Variants in PPM1L observed in about 807,000 individuals in gnomAD.
PPM1L encodes the protein protein phosphatase 1L.
Under a neutral mutation model 31.4 loss-of-function variants are expected in PPM1L, and 13 were observed. The observed-to-expected ratio is 0.41, with a 90% CI of 0.27 to 0.66. The LOEUF (loss-of-function observed/expected upper bound fraction) is 0.66. PPM1L is among the 30% of genes least tolerant of loss of function. The pLI is 0.29. For synonymous variants in PPM1L, 184 were observed against 175.4 expected (o/e 1.05, Z -0.39); for missense variants, 326 against 453.7 (o/e 0.72, Z 2.56).
intron 2 of PPM1L, among the ~76,000 whole-genome samples, chr3:161,014,125 C>T (rs1160801469): frequency 6.6e-6 from 1 of 152,174 alleles, no homozygotes; most frequent in African/African-American, 2.4e-5. Context: ...CATCAATGGT[C>T]TTTACAATTT....
intron 2 of PPM1L, among the ~76,000 whole-genome samples, chr3:161,041,244 C>T (rs570444650): frequency 6.6e-6 from 1 of 152,210 alleles, no homozygotes; most frequent in Non-Finnish European, 1.5e-5. Context: ...TGCCTCCCCC[C>T]ACTGGCCCCG....
At chr3:161,020,491 C>T (rs1295830256) in intron 2 of PPM1L, among the ~76,000 whole-genome samples, 1 of 152,188 alleles carries the variant, frequency 6.6e-6, no homozygotes, top group Non-Finnish European at 1.5e-5. Flanking sequence ...TAAATAGTTG[C>T]TAAACCTTAT....
At chr3:160,993,007 G>A (rs1717185563) in intron 2 of PPM1L, among the ~76,000 whole-genome samples, 1 of 151,912 alleles carries the variant, frequency 6.6e-6, no homozygotes, top group Non-Finnish European at 1.5e-5. Context: ...ATAACACTAG[G>A]CCGTTGAATC....
chr3:160,778,402 C>T (rs2108065130), intron 1 of PPM1L, among the ~76,000 whole-genome samples: 1 of 152,184 alleles, frequency 6.6e-6, no homozygotes, highest in African/African-American at 2.4e-5. Flanking sequence ...CAAGGAACTC[C>T]TGTGTACCCT....
In PPM1L at chr3:161,003,487, C is replaced by G. The variant is rs1193183059; in HGVS notation, c.574+41577C>G. On this transcript the variant is annotated intron_variant, in intron 2 of 3. Coordinates refer to ENST00000498165, the MANE Select transcript of PPM1L (RefSeq NM_139245.4). ...TACCCATGAGCATGGAATGTTCTTC[C>G]ATTTGTTTGTATCCTCTTTTATTTC... Among the ~76,000 whole-genome samples, 29 of 151,504 alleles carry G rather than the reference C, an allele frequency of 1.9e-4. No homozygotes were observed. In the South Asian group the frequency reaches 6.1e-3, roughly 32 times the overall value.
intron 2 of PPM1L, among the ~76,000 whole-genome samples, chr3:161,026,819 TG>T (rs5853921): frequency 0.033 from 4,970 of 151,916 alleles, 302 homozygotes; most frequent in African/African-American, 0.11. Context: ...TAATGGGTGG[TG>T]AACAAGAACA....
At chr3:160,782,525 G>T (rs921057056) in intron 1 of PPM1L, among the ~76,000 whole-genome samples, 8 of 152,180 alleles carry the variant, frequency 5.3e-5, no homozygotes, top group African/African-American at 1.9e-4. Flanking sequence ...TATGTGGAAA[G>T]GTTTAGATTT....
intron 1 of PPM1L, among the ~76,000 whole-genome samples, chr3:160,787,054 G>T (rs1711957200): frequency 6.6e-6 from 1 of 152,116 alleles, no homozygotes; most frequent in Non-Finnish European, 1.5e-5. Flanking sequence ...GAATAGTGCT[G>T]CAGTCGACAC....
At chr3:160,989,973 G>A (rs902540828) in intron 2 of PPM1L, among the ~76,000 whole-genome samples, 8 of 110,532 alleles carry the variant, frequency 7.2e-5, no homozygotes, top group East Asian at 3.8e-4. Flanking sequence ...CCATAGCAAC[G>A]TTGTTTTTGT....
chr3:161,034,051 T>C (rs1412521179), intron 2 of PPM1L, among the ~76,000 whole-genome samples: 3 of 151,686 alleles, frequency 2.0e-5, no homozygotes, highest in Non-Finnish European at 2.9e-5. Flanking sequence ...CAGACACTTC[T>C]CAAAAGAAGA....
rs576280862 is a variant in PPM1L, at chr3:160,872,684, T to C, written c.400-89052T>C. ...GCTTACGTCTGTAATCCCAGCACTT[T>C]GGGAGGCTGAGGCGGGTGGATCATG... On this transcript the variant is annotated intron_variant, in intron 1 of 3. Transcript: ENST00000498165. Among the ~76,000 whole-genome samples the C allele has an allele frequency of 2.0e-5, 3 of 152,302 alleles. No individual in the cohort carries two copies. The South Asian group carries it at 6.2e-4, about 32-fold the overall frequency.
At chr3:160,983,366 A>C (rs1716863023) in intron 2 of PPM1L, among the ~76,000 whole-genome samples, 1 of 151,956 alleles carries the variant, frequency 6.6e-6, no homozygotes, top group Admixed American at 6.6e-5. Context: ...AGCATTCCAC[A>C]GCCACTAAAG....
chr3:160,757,601 G>T (rs1458281621), intron 1 of PPM1L, among the ~76,000 whole-genome samples: 1 of 152,248 alleles, frequency 6.6e-6, no homozygotes, highest in Non-Finnish European at 1.5e-5. Flanking sequence ...TGGTCCTTGC[G>T]CATTGGCCCA....
At chr3:161,038,589 A>T (rs1463239979) in intron 2 of PPM1L, among the ~76,000 whole-genome samples, 1 of 71,126 alleles carries the variant, frequency 1.4e-5, no homozygotes, top group African/African-American at 1.3e-4. Flanking sequence ...TTGTTTTAAA[A>T]AAAAAAAAAA....
chr3:160,766,893 C>G (rs889707355), intron 1 of PPM1L, among the ~76,000 whole-genome samples: 1 of 147,690 alleles, frequency 6.8e-6, no homozygotes, highest in African/African-American at 2.7e-5. Flanking sequence ...TTCTTCCATT[C>G]CTAGAAGACA....
intron 1 of PPM1L, among the ~76,000 whole-genome samples, chr3:160,768,945 C>G (rs1715178547): frequency 6.6e-6 from 1 of 152,172 alleles, no homozygotes; most frequent in Non-Finnish European, 1.5e-5. Context: ...CTGCTGCAGC[C>G]ATCTTTGTAT....
At chr3:160,875,344 T>G (rs1051117477) in intron 1 of PPM1L, among the ~76,000 whole-genome samples, 1 of 152,252 alleles carries the variant, frequency 6.6e-6, no homozygotes, top group Non-Finnish European at 1.5e-5. Flanking sequence ...GAAACAAGGC[T>G]ATCTTCCATA....
At chr3:160,921,307 GAT>G (rs1463008065) in intron 1 of PPM1L, among the ~76,000 whole-genome samples, 1 of 152,178 alleles carries the variant, frequency 6.6e-6, no homozygotes, top group Non-Finnish European at 1.5e-5. Flanking sequence ...GGCAGTGAGT[GAT>G]ATGAGATTTT....
intron 1 of PPM1L, among the ~76,000 whole-genome samples, chr3:160,865,398 T>C (rs935640851): frequency 6.6e-6 from 1 of 152,212 alleles, no homozygotes; most frequent in Non-Finnish European, 1.5e-5. Context: ...ATAGGATTGC[T>C]GAATATAAAC....
Sources: allele counts gnomAD v4.1 joint callset (sites outside exome capture counted in the v4.1 genomes callset), GRCh38; gene constraint gnomAD v4.1.1; transcripts MANE v1.5; gene names NCBI Gene and HGNC (gene_info 2026-07-23, HGNC 2026-07-21).